DPP6: variants seen among roughly 807,000 people sequenced by gnomAD.
DPP6 encodes dipeptidyl peptidase like 6, also known as A-type potassium channel modulatory protein DPP6.
A neutral mutation model predicts 122.6 loss-of-function variants in DPP6; 69 were observed. That is an observed-to-expected ratio of 0.56 (90% CI 0.46 to 0.69). The LOEUF (loss-of-function observed/expected upper bound fraction) is 0.69. DPP6 is among the 30% of genes least tolerant of loss of function. The pLI is 0.00. For missense variants in DPP6, 928 were observed against 1,116.9 expected (o/e 0.83, Z 2.41); for synonymous variants, 418 against 433.1 (o/e 0.97, Z 0.43).
chr7:153,916,467 A>G (rs528350982), intron 1 of DPP6, among the ~76,000 whole-genome samples: 1 of 144,646 alleles, frequency 6.9e-6, no homozygotes, highest in South Asian at 2.3e-4. Context: ...ACTGGAGTGC[A>G]GTGGCACGAT....
At chr7:154,268,338 G>C in intron 1 of DPP6, among the ~76,000 whole-genome samples, 1 of 152,254 alleles carries the variant, frequency 6.6e-6, no homozygotes, top group Middle Eastern at 3.4e-3. Flanking sequence ...TATTGCTCAC[G>C]GTTCTGGAAC....
intron 1 of DPP6, among the ~76,000 whole-genome samples, chr7:154,072,184 G>A (rs1244138809): frequency 1.3e-5 from 2 of 152,248 alleles, no homozygotes; most frequent in African/African-American, 2.4e-5. Context: ...GGGAAAACTG[G>A]CAAGATGGAA....
Position 154,320,587 on chromosome 7 carries a change from C to T in DPP6, c.244-125627C>T, listed in dbSNP as rs148916894. ...CAACCCCTGCCTTCCAGGGTTTAAG[C>T]GATCCTTCTGCCTCAGCCTCCCTAG... On this transcript the variant is annotated intron_variant, in intron 1 of 25. Transcript: ENST00000377770. Among the ~76,000 whole-genome samples, 113 of 152,248 alleles carry T rather than the reference C, an allele frequency of 7.4e-4. 1 individual carries two copies. In the East Asian group the frequency reaches 0.016, roughly 21 times the overall value.
At chr7:154,584,881 A>G (rs892570918) in intron 5 of DPP6, among the ~76,000 whole-genome samples, 3 of 152,224 alleles carry the variant, frequency 2.0e-5, no homozygotes, top group South Asian at 2.1e-4. Context: ...CCTGATTTCA[A>G]TTTAAAAGCG....
intron 1 of DPP6, among the ~76,000 whole-genome samples, chr7:154,261,916 GA>G (rs1803046658): frequency 6.6e-6 from 1 of 152,016 alleles, no homozygotes; most frequent in South Asian, 2.1e-4. Context: ...AGCTCTAGGG[GA>G]AAAAACTGGA....
chr7:154,477,544 T>C (rs1411240616), intron 3 of DPP6, among the ~76,000 whole-genome samples: 2 of 141,908 alleles, frequency 1.4e-5, no homozygotes, highest in African/African-American at 5.2e-5. Context: ...AAAAAAAAAG[T>C]ATATGTAGAG....
At chr7:154,684,371 C>G (rs544544059) in intron 7 of DPP6, among the ~76,000 whole-genome samples, 8 of 152,292 alleles carry the variant, frequency 5.3e-5, no homozygotes, top group Admixed American at 1.3e-4. Flanking sequence ...CTCGTGTTCA[C>G]TGCTGTGTCC....
At chr7:153,777,772 G>A in the DPP6 span, among the ~76,000 whole-genome samples, 2 of 128,594 alleles carry the variant, frequency 1.6e-5, no homozygotes, top group Non-Finnish European at 3.1e-5. Flanking sequence ...ATACCACAAA[G>A]GAATTTCTGG....
At chr7:154,683,510 C>T (rs1839412126) in intron 7 of DPP6, among the ~76,000 whole-genome samples, 1 of 152,192 alleles carries the variant, frequency 6.6e-6, no homozygotes, top group Non-Finnish European at 1.5e-5. Flanking sequence ...ACCATCACCT[C>T]ATGCCTAGGT....
chr7:154,007,255 C>G (rs2129047654), intron 1 of DPP6, among the ~76,000 whole-genome samples: 1 of 152,282 alleles, frequency 6.6e-6, no homozygotes, highest in East Asian at 1.9e-4. Context: ...TAAAAGAATC[C>G]CACATTCACT....
intron 16 of DPP6, among the ~76,000 whole-genome samples, chr7:154,828,688 A>T (rs1249463490): frequency 3.9e-5 from 6 of 152,334 alleles, no homozygotes; most frequent in Admixed American, 1.3e-4. Context: ...GAGTATGATC[A>T]TTATAGTTCA....
intron 3 of DPP6, among the ~76,000 whole-genome samples, chr7:154,497,627 AAG>A (rs1373892042): frequency 1.3e-5 from 2 of 152,022 alleles, no homozygotes; most frequent in Middle Eastern, 3.2e-3. Context: ...GAAAAAAAAA[AAG>A]AAAAGAAAAA....
chr7:154,227,458 C>A (rs1169533347), intron 1 of DPP6, among the ~76,000 whole-genome samples: 3 of 151,876 alleles, frequency 2.0e-5, no homozygotes, highest in South Asian at 2.1e-4. Context: ...TTTGTTATTG[C>A]AAAATGAATA....
chr7:154,871,352 G>T (rs1804382110), intron 18 of DPP6, among the ~76,000 whole-genome samples: 1 of 152,228 alleles, frequency 6.6e-6, no homozygotes, highest in Non-Finnish European at 1.5e-5. Flanking sequence ...TGGGGCACCT[G>T]TATGAGCCCA....
At chr7:154,859,067 G>A (rs918697793) in intron 17 of DPP6, among the ~76,000 whole-genome samples, 2 of 152,194 alleles carry the variant, frequency 1.3e-5, no homozygotes, top group Non-Finnish European at 2.9e-5. Context: ...GGCAGCCCCA[G>A]ACCCCAAGAC....
chr7:154,846,226 A>G (rs1477071975), intron 16 of DPP6, among the ~76,000 whole-genome samples: 1 of 150,730 alleles, frequency 6.6e-6, no homozygotes, highest in Non-Finnish European at 1.5e-5. Context: ...AATTATATGT[A>G]TGTGTGGGTA....
chr7:154,568,409 A>C (rs925173616), intron 5 of DPP6, among the ~76,000 whole-genome samples: 2 of 152,244 alleles, frequency 1.3e-5, no homozygotes, highest in Non-Finnish European at 2.9e-5. Context: ...TAATCATCGG[A>C]GCACCCCGAC....
intron 1 of DPP6, among the ~76,000 whole-genome samples, chr7:154,210,279 C>A (rs992589214): frequency 4.6e-5 from 7 of 152,110 alleles, no homozygotes; most frequent in Admixed American, 2.0e-4. Context: ...GGCGTGATGT[C>A]CCGAGGTGTG....
intron 7 of DPP6, among the ~76,000 whole-genome samples, chr7:154,711,104 T>C (rs1841150893): frequency 6.6e-6 from 1 of 152,224 alleles, no homozygotes; most frequent in African/African-American, 2.4e-5. Flanking sequence ...GATATGTCCT[T>C]GACATTAGGA....
Sources: gnomAD v4.1 joint callset for allele counts (sites outside exome capture counted in the v4.1 genomes callset) on GRCh38, gnomAD v4.1.1 for gene constraint, MANE v1.5 for transcripts, NCBI Gene and HGNC (gene_info 2026-07-23, HGNC 2026-07-21) for gene names.